The following TNRC6B variants were observed in gnomAD, a reference collection of about 807,000 sequenced individuals.
The protein encoded by TNRC6B is trinucleotide repeat-containing gene 6B protein.
Under a neutral mutation model 203.6 loss-of-function variants are expected in TNRC6B, and 52 were observed. The observed-to-expected ratio is 0.26, with a 90% CI of 0.20 to 0.32. TNRC6B has a LOEUF of 0.32. Ranked by LOEUF, TNRC6B falls within the 10% of genes least tolerant of loss-of-function variation. The pLI is 1.00. For missense variants in TNRC6B, 1,923 were observed against 2,286.2 expected, an observed-to-expected ratio of 0.84 and a Z score of 3.24; for synonymous variants, 838 against 845.7, an observed-to-expected ratio of 0.99 and a Z score of 0.16.
In TNRC6B at chr22:40,299,326, G is replaced by A. The variant is rs1332205861; in HGVS notation, c.3709-1129G>A. ...ACCATCTTGGCTCACCACAACCTCCGCCTCCCAGCTTGAGGCAATTCTCCT... is the reference window on the plus strand; with the variant it reads ...ACCATCTTGGCTCACCACAACCTCCACCTCCCAGCTTGAGGCAATTCTCCT... On this transcript the variant is annotated intron_variant, in intron 12 of 22. Transcript: ENST00000454349. Among the ~76,000 whole-genome samples the A allele has an allele frequency of 2.7e-5, 4 of 146,410 alleles. No individual in the cohort carries two copies. In the Admixed American group the frequency reaches 2.8e-4, roughly 10 times the overall value.
intron 2 of TNRC6B, among the ~76,000 whole-genome samples, chr22:40,120,613 CTG>C (rs928915837): frequency 3.9e-5 from 6 of 152,240 alleles, no homozygotes; most frequent in Admixed American, 2.0e-4. Context: ...ATATGGAAAA[CTG>C]AACTTAATTC....
At chr22:40,282,101 TG>T (rs1236564157) in intron 11 of TNRC6B, among the ~76,000 whole-genome samples, 1 of 152,260 alleles carries the variant, frequency 6.6e-6, no homozygotes, top group Non-Finnish European at 1.5e-5. Context: ...CTTGTCACTG[TG>T]ACCTTCACCT....
At chr22:40,207,269 G>A (rs923056647) in intron 1 of TNRC6B, among the ~76,000 whole-genome samples, 2 of 151,890 alleles carry the variant, frequency 1.3e-5, no homozygotes, top group African/African-American at 4.8e-5. Flanking sequence ...ATGGCTGGGC[G>A]CTGTGGCTCA....
At chr22:40,209,426 T>C (rs1210365542) in intron 1 of TNRC6B, among the ~76,000 whole-genome samples, 3 of 152,112 alleles carry the variant, frequency 2.0e-5, no homozygotes, top group South Asian at 4.1e-4. Context: ...GGCTTGGAAA[T>C]CAGACAAACA....
intron 17 of TNRC6B, among the ~76,000 whole-genome samples, chr22:40,311,903 G>A (rs1376032128): frequency 1.3e-5 from 2 of 152,098 alleles, no homozygotes; most frequent in Non-Finnish European, 2.9e-5. Context: ...TTCTCATCAC[G>A]ATTTGGAAAA....
chr22:40,318,432 A>AT (rs1431395349), intron 21 of TNRC6B, among the ~76,000 whole-genome samples: 1 of 152,116 alleles, frequency 6.6e-6, no homozygotes, highest in Non-Finnish European at 1.5e-5. Context: ...CTGTAGTCCC[A>AT]GCTACTTGGG....
chr22:40,141,193 C>G (rs1451345712), intron 3 of TNRC6B, among the ~76,000 whole-genome samples: 1 of 139,328 alleles, frequency 7.2e-6, no homozygotes, highest in Non-Finnish European at 1.5e-5. Flanking sequence ...GTGGTGAACT[C>G]AAATTCTGTC....
intron 1 of TNRC6B, among the ~76,000 whole-genome samples, chr22:40,225,317 T>C (rs902306967): frequency 6.6e-6 from 1 of 152,210 alleles, no homozygotes; most frequent in Non-Finnish European, 1.5e-5. Flanking sequence ...ACAAAAATAC[T>C]GTATGCACTC....
At chr22:40,258,101 T>TTA (rs869114055) in intron 3 of TNRC6B, among the ~76,000 whole-genome samples, 3 of 108,426 alleles carry the variant, frequency 2.8e-5, no homozygotes, top group South Asian at 2.9e-4. Context: ...TTTTTTTTTT[T>TTA]ACCCCACAAT....
At chr22:40,316,246 C>T (rs575781030) in intron 21 of TNRC6B, among the ~76,000 whole-genome samples, 9 of 151,486 alleles carry the variant, frequency 5.9e-5, no homozygotes, top group African/African-American at 9.7e-5. Context: ...CCCAGCTACT[C>T]GGGAGGCTGA....
intron 1 of TNRC6B, among the ~76,000 whole-genome samples, chr22:40,222,625 C>T (rs186542598): frequency 1.7e-4 from 25 of 148,044 alleles, no homozygotes; most frequent in Admixed American, 1.1e-3. Context: ...TATTTAAATT[C>T]GAGATAATTA....
rs919285189 is a variant in TNRC6B, at chr22:40,261,836, C to A, written c.120C>A (p.Pro40=). ...TTCCCAACCCCTCTCTTTTAGTGCC[C>A]GAAGTGACGAAACCAAGTTTAAGCC... is the stretch of plus-strand genomic sequence containing the variant. The part of the protein sequence containing the change: ...QKVTEQKTKV[P]EVTKPSLSQP... The change falls in exon 4 of 23, where the codon CCC becomes CCA. Residue 40 remains proline (P), a synonymous_variant. Coordinates refer to ENST00000454349, the MANE Select transcript of TNRC6B (RefSeq NM_001162501.2). The A allele has an allele frequency of 3.1e-5, 49 of 1,564,860 alleles. No homozygotes were observed. Among genetic ancestry groups the A allele is most frequent in the Non-Finnish European group, 4.3e-5 (49 of 1,142,356 alleles).
At chr22:40,279,920 TG>T in intron 9 of TNRC6B, 74 bp from the exon 10 acceptor site, 1 of 1,352,600 alleles carries the variant, frequency 7.4e-7, no homozygotes, top group Non-Finnish European at 1.1e-6. Context: ...ATGAGGATAG[TG>T]GGGCAGGTCA....
At chr22:40,299,073 A>C (rs1300617339) in intron 12 of TNRC6B, among the ~76,000 whole-genome samples, 1 of 146,396 alleles carries the variant, frequency 6.8e-6, no homozygotes, top group East Asian at 2.1e-4. Context: ...ACCAGCCGGG[A>C]GGTCAAGGCT....
intron 3 of TNRC6B, among the ~76,000 whole-genome samples, chr22:40,144,853 G>T (rs1476031353): frequency 6.6e-6 from 1 of 151,900 alleles, no homozygotes; most frequent in Non-Finnish European, 1.5e-5. Flanking sequence ...GATCTTCAAG[G>T]GAAGGGGCAT....
At chr22:40,295,032 G>C (rs1319044471) in intron 12 of TNRC6B, among the ~76,000 whole-genome samples, 1 of 152,220 alleles carries the variant, frequency 6.6e-6, no homozygotes, top group Non-Finnish European at 1.5e-5. Flanking sequence ...GAAGCAGCTG[G>C]GGGGAACTAT....
At chr22:40,292,399 AC>A (rs1485125794) in intron 12 of TNRC6B, among the ~76,000 whole-genome samples, 1 of 151,912 alleles carries the variant, frequency 6.6e-6, no homozygotes, top group African/African-American at 2.4e-5. Context: ...AAGATTTGTT[AC>A]AAATATTCCG....
chr22:40,109,179 A>G (rs186943666), intron 1 of TNRC6B, among the ~76,000 whole-genome samples: 1 of 152,248 alleles, frequency 6.6e-6, no homozygotes, highest in Non-Finnish European at 1.5e-5. Context: ...TATCCAGTCT[A>G]TCATTGATGG....
chr22:40,223,857 T>C (rs2069748513), intron 1 of TNRC6B, among the ~76,000 whole-genome samples: 2 of 152,226 alleles, frequency 1.3e-5, no homozygotes. Flanking sequence ...CGTACAGAGA[T>C]TGCACCCGTT....
Sources: allele counts gnomAD v4.1 joint callset (sites outside exome capture counted in the v4.1 genomes callset), GRCh38; gene constraint gnomAD v4.1.1; transcripts MANE v1.5; gene names NCBI Gene and HGNC (gene_info 2026-07-23, HGNC 2026-07-21).